The following KATNIP variants were observed in gnomAD, a reference collection of about 807,000 sequenced individuals.
KATNIP encodes katanin-interacting protein.
KATNIP carries 126 observed loss-of-function variants against 174.0 expected under a neutral mutation model. The ratio of observed to expected loss-of-function variants is 0.72; its 90% CI spans 0.63 to 0.84. The LOEUF is 0.84. KATNIP is among the 40% of genes least tolerant of loss of function. The pLI is 0.00. For synonymous variants in KATNIP, 810 were observed against 835.7 expected (o/e 0.97, Z 0.53); for missense variants, 1,958 against 2,109.7 (o/e 0.93, Z 1.41).
intron 6 of KATNIP, among the ~76,000 whole-genome samples, chr16:27,672,273 C>T (rs1007922478): frequency 1.3e-5 from 2 of 152,058 alleles, no homozygotes; most frequent in Admixed American, 6.6e-5. Context: ...GTTCCTACCC[C>T]CAAGACAGCC....
chr16:27,558,954 C>T (rs76889093), intron 1 of KATNIP, among the ~76,000 whole-genome samples: 2,050 of 152,246 alleles, frequency 0.013, 48 homozygotes, highest in African/African-American at 0.047. Flanking sequence ...AGTGTGTGGC[C>T]AGGTTCTCAC....
intron 18 of KATNIP, among the ~76,000 whole-genome samples, chr16:27,761,198 G>A (rs541761371): frequency 9.2e-5 from 14 of 152,288 alleles, no homozygotes; most frequent in Admixed American, 2.6e-4. Flanking sequence ...TTTAACCCTC[G>A]CCCATGCAGC....
At chr16:27,576,101 C>T (rs1346494641) in intron 2 of KATNIP, among the ~76,000 whole-genome samples, 1 of 152,182 alleles carries the variant, frequency 6.6e-6, no homozygotes, top group Non-Finnish European at 1.5e-5. Flanking sequence ...CACAGAATAG[C>T]AGCATCCTAT....
chr16:27,709,903 G>T (rs2079496918), intron 13 of KATNIP, among the ~76,000 whole-genome samples: 1 of 152,176 alleles, frequency 6.6e-6, no homozygotes, highest in African/African-American at 2.4e-5. Flanking sequence ...CTACAGCTTG[G>T]AGAAGGGCAT....
chr16:27,715,568 A>G (rs1327297775), intron 13 of KATNIP, among the ~76,000 whole-genome samples: 1 of 152,222 alleles, frequency 6.6e-6, no homozygotes, highest in Non-Finnish European at 1.5e-5. Flanking sequence ...TATTCAGAAT[A>G]TACAAAGAAA....
chr16:27,550,177 G>C lies in KATNIP; in HGVS notation c.7G>C (p.Gly3Arg), dbSNP rs369285913. 2.5e-6 allele frequency: 4 copies of C among 1,611,542 alleles called. No homozygotes were observed. The highest frequency in any genetic ancestry group is 1.1e-5 in the South Asian group (1 of 90,932). The change falls in exon 1 of 28, where the codon GGT becomes CGT. Residue 3 changes from glycine to arginine, a missense_variant and splice_region_variant. Physicochemically the swap from Gly to Arg is moderately radical, Grantham distance 125. Around this residue, in one of 3 missense-constraint regions of KATNIP, gnomAD observed 1,557 missense variants for 1,617.8 expected, o/e 0.96. Transcript: ENST00000261588. ...GGAACCGCCGCCTCTAGGGATGGAC[G>C]GTGAGTGTCTGTGGGCCCCTCCGGG... Reference protein sequence around the residue: MDGQTLRKAERSW... With the variant: MDRQTLRKAERSW...
chr16:27,650,747 A>C (rs529481953), intron 6 of KATNIP, among the ~76,000 whole-genome samples: 1 of 152,334 alleles, frequency 6.6e-6, no homozygotes, highest in South Asian at 2.1e-4. Flanking sequence ...TTGGTTGTAA[A>C]ATACCCGAGT....
At chr16:27,550,773 GT>G (rs2089321273) in intron 1 of KATNIP, among the ~76,000 whole-genome samples, 1 of 152,210 alleles carries the variant, frequency 6.6e-6, no homozygotes, top group Non-Finnish European at 1.5e-5. Context: ...GCTCAGAGGT[GT>G]TAAGGAACTT....
chr16:27,638,825 G>A (rs969851843), intron 5 of KATNIP, among the ~76,000 whole-genome samples: 1 of 141,340 alleles, frequency 7.1e-6, no homozygotes, highest in Non-Finnish European at 1.5e-5. Context: ...CCTCCTGGCT[G>A]TCTTGCTGGA....
intron 15 of KATNIP, among the ~76,000 whole-genome samples, chr16:27,741,430 T>C (rs2081104292): frequency 6.6e-6 from 1 of 151,734 alleles, no homozygotes; most frequent in Non-Finnish European, 1.5e-5. Flanking sequence ...ACAGCGAGAC[T>C]CTGTCTCAAA....
chr16:27,761,578 G>A lies in KATNIP; in HGVS notation c.3797G>A (p.Arg1266Gln), dbSNP rs150241191. 18 of 1,613,428 alleles carry A rather than the reference G, an allele frequency of 1.1e-5. No individual in the cohort carries two copies. Among genetic ancestry groups the A allele is most frequent in the African/African-American group, 1.1e-4 (8 of 74,866 alleles). ...CTCCCCGAGTACTCTGACGACTCCC[G>A]GGCCCTGGACAAGTAAGTGTCTATC... Reference protein sequence around the residue: ...NELPEYSDDSRALDKLIDGTN... With the variant: ...NELPEYSDDSQALDKLIDGTN... The change falls in exon 19 of 28, where the codon CGG (arginine) becomes CAG (glutamine). Residue 1266 changes from arginine to glutamine, a missense_variant. This residue lies in a region of KATNIP where 18 missense variants were observed against 35.8 expected (regional missense o/e 0.50). Coordinates refer to ENST00000261588, the MANE Select transcript of KATNIP (RefSeq NM_015202.5).
intron 13 of KATNIP, among the ~76,000 whole-genome samples, chr16:27,713,666 T>C (rs201992256): frequency 0.052 from 811 of 15,554 alleles, 62 homozygotes; most frequent in Non-Finnish European, 0.12. Context: ...TATATACACA[T>C]ACATATTATA....
chr16:27,653,255 C>T (rs991409717), intron 6 of KATNIP, among the ~76,000 whole-genome samples: 3 of 152,222 alleles, frequency 2.0e-5, no homozygotes, highest in African/African-American at 7.2e-5. Flanking sequence ...GAAGACAGGG[C>T]CACCCTGAAG....
intron 18 of KATNIP, among the ~76,000 whole-genome samples, chr16:27,760,150 G>A (rs1250691480): frequency 6.6e-6 from 1 of 152,200 alleles, no homozygotes; most frequent in African/African-American, 2.4e-5. Context: ...CATCTGAGCT[G>A]CAAGGGGGTG....
At chr16:27,674,674 T>C (rs1445131874) in intron 6 of KATNIP, among the ~76,000 whole-genome samples, 1 of 152,232 alleles carries the variant, frequency 6.6e-6, no homozygotes, top group Non-Finnish European at 1.5e-5. Flanking sequence ...CACCTAATCA[T>C]ATCTTCAAGG....
chr16:27,758,879 T>A (rs569857789), intron 18 of KATNIP, among the ~76,000 whole-genome samples: 76 of 152,334 alleles, frequency 5.0e-4, no homozygotes, highest in African/African-American at 1.8e-3. Context: ...ATGTGCTTAT[T>A]GACAGTCTTT....
intron 2 of KATNIP, among the ~76,000 whole-genome samples, chr16:27,578,932 G>A (rs938903978): frequency 6.6e-6 from 1 of 152,112 alleles, no homozygotes; most frequent in Non-Finnish European, 1.5e-5. Flanking sequence ...GAAGTCAGTA[G>A]GTAATTTCAG....
intron 11 of KATNIP, among the ~76,000 whole-genome samples, chr16:27,702,663 C>T (rs1171464528): frequency 2.6e-5 from 4 of 152,156 alleles, no homozygotes; most frequent in East Asian, 3.9e-4. Flanking sequence ...AGGGGGTGGT[C>T]GTTTTTCTGC....
chr16:27,628,742 C>T lies in KATNIP; in HGVS notation c.222C>T (p.Asn74=), dbSNP rs562885234. 2.7e-5 allele frequency: 44 copies of T among 1,614,204 alleles called. No individual in the cohort carries two copies. The highest frequency in any genetic ancestry group is 1.6e-4 in the Middle Eastern group (1 of 6,062). The change falls in exon 4 of 28, where the codon AAC becomes AAT. Residue 74 remains asparagine, a synonymous_variant. Transcript: ENST00000261588. The part of the protein sequence containing the change: ...HLEQGFSVYV[N]GANSELKSSP... ...AGCAAGGTTTCTCTGTCTATGTCAA[C>T]GGTGCCAATTCGGAGCTGAAATCAT...
Sources: allele counts gnomAD v4.1 joint callset (sites outside exome capture counted in the v4.1 genomes callset), GRCh38; gene constraint gnomAD v4.1.1; regional missense constraint gnomAD v4.1.1; transcripts MANE v1.5; gene names NCBI Gene and HGNC (gene_info 2026-07-23, HGNC 2026-07-21).